The following BRINP3 variants were observed in gnomAD, a reference collection of about 807,000 sequenced individuals.
The protein encoded by BRINP3 is BMP/retinoic acid inducible neural specific 3, also known as BMP/retinoic acid-inducible neural-specific protein 3.
BRINP3 carries 19 observed loss-of-function variants against 71.0 expected under a neutral mutation model. The observed-to-expected ratio is 0.27, with a 90% CI of 0.19 to 0.39. BRINP3 has a LOEUF of 0.39. Ranked by LOEUF, BRINP3 falls within the 10% of genes least tolerant of loss-of-function variation. The pLI, the probability that BRINP3 is intolerant of heterozygous loss-of-function variation, is 1.00. For missense variants in BRINP3, 959 were observed against 940.8 expected (o/e 1.02, Z -0.25); for synonymous variants, 380 against 337.7 (o/e 1.13, Z -1.37).
chr1:190,423,746 C>A (rs530452149), intron 2 of BRINP3, among the ~76,000 whole-genome samples: 1 of 151,688 alleles, frequency 6.6e-6, no homozygotes, highest in Non-Finnish European at 1.5e-5. Context: ...TCCTCCACCC[C>A]CTACCCTAAA....
chr1:190,297,871 GA>G (rs569013409), intron 2 of BRINP3, among the ~76,000 whole-genome samples: 1 of 146,678 alleles, frequency 6.8e-6, no homozygotes, highest in Admixed American at 6.8e-5. Flanking sequence ...ACAGTAGATT[GA>G]AAAAAAAATG....
intron 7 of BRINP3, among the ~76,000 whole-genome samples, chr1:190,107,834 T>G (rs1652314737): frequency 6.6e-6 from 1 of 151,566 alleles, no homozygotes; most frequent in South Asian, 2.1e-4. Context: ...ACTCTTTTAC[T>G]GGGGAAAATC....
chr1:190,346,203 A>G (rs1249282315), intron 2 of BRINP3, among the ~76,000 whole-genome samples: 1 of 152,022 alleles, frequency 6.6e-6, no homozygotes, highest in South Asian at 2.1e-4. Context: ...AAAATATACC[A>G]AAAAACTGCA....
At chr1:190,329,082 A>T (rs1666795985) in intron 2 of BRINP3, among the ~76,000 whole-genome samples, 1 of 152,090 alleles carries the variant, frequency 6.6e-6, no homozygotes, top group Non-Finnish European at 1.5e-5. Context: ...ACCAGGCAAA[A>T]ACTGGAAACA....
In BRINP3 at chr1:190,370,185, G is replaced by T. The variant is rs145767588; in HGVS notation, c.236+84470C>A. 2.2e-4 allele frequency among the ~76,000 whole-genome samples: 34 copies of T among 152,146 alleles called. No individual in the cohort carries two copies. The East Asian group carries it at 6.4e-3, about 29-fold the overall frequency. ...CATGAATGCATACACACATACACAAGCACAATTTTGTAAGCTGGTTCTTTA... is the reference window on the plus strand; with the variant it reads ...CATGAATGCATACACACATACACAATCACAATTTTGTAAGCTGGTTCTTTA... On this transcript the variant is annotated intron_variant, in intron 2 of 7. Transcript: ENST00000367462.
At chr1:190,147,855 G>A (rs1456803787) in intron 7 of BRINP3, among the ~76,000 whole-genome samples, 1 of 152,186 alleles carries the variant, frequency 6.6e-6, no homozygotes, top group African/African-American at 2.4e-5. Context: ...TCCAGAAAGA[G>A]CCGGTGGCCA....
At chr1:190,253,530 G>A (rs1660349403) in intron 4 of BRINP3, among the ~76,000 whole-genome samples, 2 of 152,152 alleles carry the variant, frequency 1.3e-5, no homozygotes. Flanking sequence ...GACCAGTGGT[G>A]ATGAGCATTT....
chr1:190,123,903 T>C (rs1653879581), intron 7 of BRINP3, among the ~76,000 whole-genome samples: 4 of 152,150 alleles, frequency 2.6e-5, no homozygotes, highest in Admixed American at 2.6e-4. Flanking sequence ...ATTTAGATAG[T>C]TGCATCAAAC....
chr1:190,453,977 G>T (rs1675821185), intron 2 of BRINP3, among the ~76,000 whole-genome samples: 2 of 152,124 alleles, frequency 1.3e-5, no homozygotes, highest in African/African-American at 2.4e-5. Context: ...GCAACCACTT[G>T]TACACTCTTC....
intron 2 of BRINP3, among the ~76,000 whole-genome samples, chr1:190,447,168 G>A (rs12087474): frequency 0.35 from 53,426 of 150,856 alleles, 9,694 homozygotes; most frequent in African/African-American, 0.4. Context: ...ATAGGAGTAA[G>A]TAAGATAACA....
intron 2 of BRINP3, among the ~76,000 whole-genome samples, chr1:190,334,141 T>G (rs1361353117): frequency 1.3e-5 from 2 of 151,790 alleles, no homozygotes; most frequent in Non-Finnish European, 2.9e-5. Context: ...TCATGAAAAT[T>G]TCAGGTTAAG....
At chr1:190,416,651 T>C (rs1475696487) in intron 2 of BRINP3, among the ~76,000 whole-genome samples, 1 of 152,214 alleles carries the variant, frequency 6.6e-6, no homozygotes, top group African/African-American at 2.4e-5. Context: ...AATAATGATG[T>C]AAGCATTTAT....
intron 1 of BRINP3, among the ~76,000 whole-genome samples, chr1:190,459,110 G>A (rs1207816858): frequency 6.7e-6 from 1 of 148,682 alleles, no homozygotes; most frequent in East Asian, 2.0e-4. Context: ...ATTTAGTATA[G>A]GTCCTACTCT....
In BRINP3 at chr1:190,168,844, G is replaced by A. The variant is rs78967840; in HGVS notation, c.962-7954C>T. On this transcript the variant is annotated intron_variant, in intron 6 of 7. Coordinates refer to ENST00000367462, the MANE Select transcript of BRINP3 (RefSeq NM_199051.3). ...TCCTGATGTGGTAGCTTTACCATTG[G>A]CATGATTCTTGGCACTGGGGATAAT... 2.2e-3 allele frequency among the ~76,000 whole-genome samples: 334 copies of A among 152,236 alleles called. 4 individuals are homozygous for A. Among genetic ancestry groups the A allele is most frequent in the African/African-American group, 7.3e-3 (304 of 41,540 alleles).
At position 190,395,256 on chromosome 1, in the gene BRINP3, C is replaced by A. The variant is rs1041242914; in HGVS notation, c.236+59399G>T. ...GAGGAAGAGAAGATCTGACTTTATG[C>A]ATAGTTTTGTCTAAATTCAATTGCT... On this transcript the variant is annotated intron_variant, in intron 2 of 7. Coordinates refer to ENST00000367462, the MANE Select transcript of BRINP3 (RefSeq NM_199051.3). Among the ~76,000 whole-genome samples the A allele has an allele frequency of 5.9e-5, 9 of 151,618 alleles. No homozygotes were observed. In the Admixed American group the frequency reaches 5.9e-4, roughly 10 times the overall value.
At chr1:190,301,166 C>CATATATACATATATATGT (rs1558160237) in intron 2 of BRINP3, among the ~76,000 whole-genome samples, 77 of 38,058 alleles carry the variant, frequency 2.0e-3, no homozygotes, top group Middle Eastern at 0.016. Context: ...TATATATATA[C>CATATATACATATATATGT]ATATATATAC....
chr1:190,248,058 G>T lies in BRINP3; in HGVS notation c.619-13581C>A, dbSNP rs182896051. ...GATCTCAGTGTCCCCTCTTTGCATG[G>T]TTTCTTTTTTATTCTGGTTTCAGAA... On this transcript the variant is annotated intron_variant, in intron 4 of 7. Coordinates refer to ENST00000367462, the MANE Select transcript of BRINP3 (RefSeq NM_199051.3). 4.0e-5 allele frequency among the ~76,000 whole-genome samples: 6 copies of T among 151,692 alleles called. No individual in the cohort carries two copies. In the East Asian group the frequency reaches 1.2e-3, roughly 30 times the overall value.
At chr1:190,373,526 A>C (rs954707428) in intron 2 of BRINP3, among the ~76,000 whole-genome samples, 2 of 151,590 alleles carry the variant, frequency 1.3e-5, no homozygotes, top group South Asian at 4.2e-4. Flanking sequence ...ATTTATACCA[A>C]TGATCTTCAT....
At chr1:190,180,181 A>T (rs1025509748) in intron 6 of BRINP3, among the ~76,000 whole-genome samples, 2 of 152,046 alleles carry the variant, frequency 1.3e-5, no homozygotes, top group Non-Finnish European at 2.9e-5. Flanking sequence ...ACTTCAAAGG[A>T]TCTAATGGGC....
Sources: allele counts gnomAD v4.1 joint callset (sites outside exome capture counted in the v4.1 genomes callset), GRCh38; gene constraint gnomAD v4.1.1; transcripts MANE v1.5; gene names NCBI Gene and HGNC (gene_info 2026-07-23, HGNC 2026-07-21).